The following ANO8 variants were observed in gnomAD, a reference collection of about 807,000 sequenced individuals.
ANO8 encodes anoctamin 8.
Under a neutral mutation model 120.4 loss-of-function variants are expected in ANO8, and 67 were observed. That is an observed-to-expected ratio of 0.56 (90% CI 0.46 to 0.68). The LOEUF (loss-of-function observed/expected upper bound fraction) is 0.68. ANO8 is among the 30% of genes least tolerant of loss of function. The pLI, the probability that ANO8 is intolerant of heterozygous loss-of-function variation, is 0.00. For synonymous variants in ANO8, 727 were observed against 759.2 expected (o/e 0.96, Z 0.70); for missense variants, 1,526 against 1,737.6 (o/e 0.88, Z 2.16).
chr19:17,333,911 T>A lies in ANO8; in HGVS notation c.107-111A>T. On this transcript the variant is annotated intron_variant, in intron 1 of 17. Transcript: ENST00000159087. The surrounding 1 kb of genome is among the most constrained non-coding windows in gnomAD (Gnocchi z 7.2). Reference sequence around the variant, plus strand: ...GGCTCCTCACCACTCCACCTGGCATTCAAGGCCCCGGGAGCTCTGGGCTTG... The same window carrying A: ...GGCTCCTCACCACTCCACCTGGCATACAAGGCCCCGGGAGCTCTGGGCTTG... 1.1e-6 allele frequency: 1 copy of A among 872,626 alleles called. No homozygotes were observed. Among genetic ancestry groups the A allele is most frequent in the Admixed American group, 2.2e-5 (1 of 45,404 alleles). 54.1% of individuals were successfully genotyped at this position (872,626 alleles called of 1,614,324 possible).
At chr19:17,326,050 C>T (rs193136561) in intron 16 of ANO8, among the ~76,000 whole-genome samples, 22 of 152,334 alleles carry the variant, frequency 1.4e-4, no homozygotes, top group African/African-American at 4.8e-4. Context: ...AATCCCTGGA[C>T]CCACGCCGGT....
Position 17,329,701 on chromosome 19 carries a change from C to T in ANO8, c.1404+56G>A, listed in dbSNP as rs928155231. ...CTTGGACCCCTTGTGCCGGGTCTGGCCCCTCGCTGGCCGCCATGGGGGCAG... is the reference window on the plus strand; with the variant it reads ...CTTGGACCCCTTGTGCCGGGTCTGGTCCCTCGCTGGCCGCCATGGGGGCAG... On this transcript the variant is annotated intron_variant, in intron 12 of 17. Transcript: ENST00000159087. 3.4e-5 allele frequency: 50 copies of T among 1,459,834 alleles called. No homozygotes were observed. In the African/African-American group the frequency reaches 5.4e-4, roughly 16 times the overall value. 90.4% of individuals were successfully genotyped at this position (1,459,834 alleles called of 1,614,324 possible).
rs1377876882 is a variant in ANO8, at chr19:17,333,602, A to G, written c.218-48T>C. On this transcript the variant is annotated intron_variant, in intron 2 of 17. Coordinates refer to ENST00000159087, the MANE Select transcript of ANO8 (RefSeq NM_020959.3). This position sits in a 1 kb window ranked among gnomAD's most constrained non-coding sequence, Gnocchi z 7.2. ...ATGGCTCCTGCCACGAGGGGGCCCA[A>G]GGCCTCCTACGTATTCCCGTTCTGG... 4.1e-6 allele frequency: 6 copies of G among 1,470,820 alleles called. No individual in the cohort carries two copies. The highest frequency in any genetic ancestry group is 3.1e-5 in the East Asian group (1 of 32,358). The allele number at this position is 1,470,820 out of a possible 1,614,324, so 91.1% of individuals were successfully genotyped here.
At chr19:17,331,490 A>C in intron 5 of ANO8, 79 bp from the exon 6 acceptor site, 1 of 1,319,198 alleles carries the variant, frequency 7.6e-7, no homozygotes. Context: ...TCTGAAACCC[A>C]AGTCACAGCT....
intron 7 of ANO8, 33 bp from the exon 8 acceptor site, chr19:17,331,022 T>C: frequency 6.2e-7 from 1 of 1,613,926 alleles, no homozygotes; most frequent in Non-Finnish European, 8.5e-7. Flanking sequence ...GAGTCATTGT[T>C]TGTGCCAGTC....
rs375503706 is a variant in ANO8 at position 17,329,724 on chromosome 19, C to A, written c.1404+33G>T. ...GGCCCCTCGCTGGCCGCCATGGGGG[C>A]AGGGGGGACTGCCGCTGGGGCGGGG... On this transcript the variant is annotated intron_variant, in intron 12 of 17. Coordinates refer to ENST00000159087, the MANE Select transcript of ANO8 (RefSeq NM_020959.3). The A allele has an allele frequency of 1.1e-4, 168 of 1,586,514 alleles. No homozygotes were observed. In the African/African-American group the frequency reaches 1.9e-3, roughly 18 times the overall value.
Position 17,333,326 on chromosome 19 carries a change from G to A in ANO8, c.351-87C>T. On this transcript the variant is annotated intron_variant, in intron 3 of 17. Transcript: ENST00000159087. This position sits in a 1 kb window ranked among gnomAD's most constrained non-coding sequence, Gnocchi z 7.2. ...AGGATGGTGCACCTGGCAGCCTTTG[G>A]GACAAACGCAGGGCGGCTGGATAGC... is the stretch of plus-strand genomic sequence containing the variant. The A allele has an allele frequency of 1.2e-6, 2 of 1,604,294 alleles. No homozygotes were observed. The highest frequency in any genetic ancestry group is 8.5e-7 in the Non-Finnish European group (1 of 1,174,082).
intron 16 of ANO8, among the ~76,000 whole-genome samples, chr19:17,325,666 G>A (rs1397865218): frequency 2.6e-5 from 4 of 152,242 alleles, no homozygotes; most frequent in East Asian, 3.8e-4. Flanking sequence ...AGTGGCTTGC[G>A]CCTGTAATCC....
In ANO8 at chr19:17,323,650, G is replaced by C; in HGVS notation, c.3566C>G (p.Pro1189Arg). ...AGPPPAPQPLPGDASFYSLPP... is the reference protein window; with the variant it reads ...AGPPPAPQPLRGDASFYSLPP... ...GAGGCTGTAAAAGCTGGCGTCTCCCGGCAGGGGCTGGGGGGCGGGTGGGGG... is the reference window on the plus strand; with the variant it reads ...GAGGCTGTAAAAGCTGGCGTCTCCCCGCAGGGGCTGGGGGGCGGGTGGGGG... Residue 1189 changes from proline (P) to arginine (R), a missense_variant, in exon 18 of 18, where the codon CCG becomes CGG. By Grantham distance (103) the Pro-to-Arg change is moderately radical. Coordinates refer to ENST00000159087, the MANE Select transcript of ANO8 (RefSeq NM_020959.3). 1 of 1,214,330 alleles carries C rather than the reference G, an allele frequency of 8.2e-7. No homozygotes were observed. The highest frequency in any genetic ancestry group is 1.0e-6 in the Non-Finnish European group (1 of 974,904). 75.2% of individuals were successfully genotyped at this position (1,214,330 alleles called of 1,614,324 possible).
At position 17,330,834 on chromosome 19, in the gene ANO8, C is replaced by T. The variant is rs1268757801; in HGVS notation, c.987G>A (p.Gln329=). The T allele has an allele frequency of 9.9e-6, 16 of 1,613,662 alleles. No individual in the cohort carries two copies. The highest frequency in any genetic ancestry group is 1.4e-5 in the Non-Finnish European group (16 of 1,179,798). Residue 329 remains glutamine, a synonymous_variant, in exon 8 of 18, where the codon CAG becomes CAA. Transcript: ENST00000159087. ...PGEAVEEPRP[Q]FRGVRRISPI... Reference sequence around the variant, plus strand: ...GACTCAGCCCCCAACTGACCCTGAACTGGGGGCGTGGCTCCTCCACGGCTT... The same window carrying T: ...GACTCAGCCCCCAACTGACCCTGAATTGGGGGCGTGGCTCCTCCACGGCTT...
rs370092915 is a variant in ANO8 at position 17,333,596 on chromosome 19, G to T, written c.218-42C>A. On this transcript the variant is annotated intron_variant, in intron 2 of 17. Transcript: ENST00000159087. This position sits in a 1 kb window ranked among gnomAD's most constrained non-coding sequence, Gnocchi z 7.2. ...GGACCGATGGCTCCTGCCACGAGGG[G>T]GCCCAAGGCCTCCTACGTATTCCCG... is the stretch of plus-strand genomic sequence containing the variant. The T allele has an allele frequency of 3.8e-5, 57 of 1,504,246 alleles. No individual in the cohort carries two copies. In the African/African-American group the frequency reaches 6.8e-4, roughly 18 times the overall value. 93.2% of individuals were successfully genotyped at this position (1,504,246 alleles called of 1,614,324 possible).
Position 17,333,221 on chromosome 19 carries a change from G to A in ANO8, c.369C>T (p.Asp123=), listed in dbSNP as rs372327653. Residue 123 remains aspartate (D), a synonymous_variant, in exon 4 of 18, where the codon GAC becomes GAT. Coordinates refer to ENST00000159087, the MANE Select transcript of ANO8 (RefSeq NM_020959.3). This position sits in a 1 kb window ranked among gnomAD's most constrained non-coding sequence, Gnocchi z 7.2. ...ATYESLLRGA[D]ELGLRKAVKA... Reference sequence around the variant, plus strand: ...TCACTGCTTTGCGCAGACCCAGCTCGTCGGCCCCTCGGAGTAGGCTGTGAA... The same window carrying A: ...TCACTGCTTTGCGCAGACCCAGCTCATCGGCCCCTCGGAGTAGGCTGTGAA... 131 of 1,610,076 alleles carry A rather than the reference G, an allele frequency of 8.1e-5. No homozygotes were observed. The highest frequency in any genetic ancestry group is 1.0e-4 in the Non-Finnish European group (120 of 1,177,908).
chr19:17,330,860 C>G lies in ANO8; in HGVS notation c.961G>C (p.Glu321Gln). The change falls in exon 8 of 18, where the codon GAA (glutamate) becomes CAA (glutamine). Residue 321 changes from glutamate (E) to glutamine (Q), a missense_variant. By Grantham distance (29) the Glu-to-Gln change is conservative. Around this residue, in one of 8 missense-constraint regions of ANO8, gnomAD observed 322 missense variants for 431.8 expected, o/e 0.75. Transcript: ENST00000159087. ...TGGGGGCGTGGCTCCTCCACGGCTTCCCCAGGTGAGTCCAGCGTCCCCCAC... is the reference window on the plus strand; with the variant it reads ...TGGGGGCGTGGCTCCTCCACGGCTTGCCCAGGTGAGTCCAGCGTCCCCCAC... The part of the protein sequence containing the change: ...YKWGTLDSPG[E>Q]AVEEPRPQFR... 1 of 1,614,170 alleles carries G rather than the reference C, an allele frequency of 6.2e-7. No individual in the cohort carries two copies. Among genetic ancestry groups the G allele is most frequent in the Non-Finnish European group, 8.5e-7 (1 of 1,180,032 alleles).
At chr19:17,332,689 G>A (rs911233735) in intron 5 of ANO8, among the ~76,000 whole-genome samples, 5 of 152,106 alleles carry the variant, frequency 3.3e-5, no homozygotes, top group African/African-American at 1.2e-4. Flanking sequence ...ACCCCTAACT[G>A]GTTGGACATA....
In ANO8 at chr19:17,330,123, A is replaced by G; in HGVS notation, c.1273+2T>C. 6.2e-7 allele frequency: 1 copy of G among 1,614,006 alleles called. No homozygotes were observed. Among genetic ancestry groups the G allele is most frequent in the Non-Finnish European group, 8.5e-7 (1 of 1,179,988 alleles). On this transcript the variant is annotated splice_donor_variant, in intron 10 of 17. Transcript: ENST00000159087. LOFTEE classifies it high-confidence loss of function. ...TCCCAGAGACCCCCTGGCAGGTCGT[A>G]CCCATGTCATTGAGCCAGATGGCTA...
chr19:17,329,905 C>G, intron 11 of ANO8, 54 bp downstream of exon 11: 1 of 1,613,514 alleles, frequency 6.2e-7, no homozygotes, highest in Non-Finnish European at 8.5e-7. Context: ...GTGCCCCATA[C>G]AGACGGCACA....
At chr19:17,330,704 G>T (rs1261357389) in intron 8 of ANO8, 124 bp downstream of exon 8, 3 of 1,447,592 alleles carry the variant, frequency 2.1e-6, no homozygotes, top group Non-Finnish European at 2.8e-6. Context: ...AGCCCGCCTC[G>T]GTTTGGCATA....
At chr19:17,326,236 G>A (rs946516533) in intron 16 of ANO8, among the ~76,000 whole-genome samples, 1 of 152,140 alleles carries the variant, frequency 6.6e-6, no homozygotes, top group African/African-American at 2.4e-5. Flanking sequence ...GGCTGGGTAC[G>A]GTGGCTCACG....
At position 17,328,317 on chromosome 19, in the gene ANO8, G is replaced by T. The variant is rs370432348; in HGVS notation, c.2071C>A (p.Pro691Thr). The part of the protein sequence containing the change: ...RAGGEGRDQG[P>T]DGGPDPEPGS... ...GGTTCCGGGTCCGGGCCCCCGTCGG[G>T]CCCCTGGTCTCGGCCCTCGCCCCCG... Residue 691 changes from proline (P) to threonine (T), a missense_variant, in exon 13 of 18, where the codon CCC becomes ACC. Transcript: ENST00000159087. 9 of 1,596,610 alleles carry T rather than the reference G, an allele frequency of 5.6e-6. No individual in the cohort carries two copies. In the African/African-American group the frequency reaches 9.4e-5, roughly 17 times the overall value.
Sources: gnomAD v4.1 joint callset for allele counts (sites outside exome capture counted in the v4.1 genomes callset) on GRCh38, gnomAD v4.1.1 for gene constraint, gnomAD v4.1.1 regional missense constraint, Gnocchi (gnomAD v3.1) non-coding constraint, MANE v1.5 for transcripts, NCBI Gene and HGNC (gene_info 2026-07-23, HGNC 2026-07-21) for gene names.